NEB: variants seen among roughly 807,000 people sequenced by gnomAD.
NEB encodes nebulin, also known as nemaline myopathy type 2.
Under a neutral mutation model 952.2 loss-of-function variants are expected in NEB, and 512 were observed. The observed-to-expected ratio is 0.54, with a 90% CI of 0.50 to 0.58. NEB has a LOEUF of 0.58. NEB is among the 20% of genes least tolerant of loss of function. NEB has a pLI of 0.00. For synonymous variants in NEB, 2,900 were observed against 3,149.8 expected, an observed-to-expected ratio of 0.92 and a Z score of 2.66; for missense variants, 8,428 against 9,231.1, an observed-to-expected ratio of 0.91 and a Z score of 3.56.
Position 151,490,496 on chromosome 2 carries a change from C to A in NEB, c.25173G>T (p.Arg8391=), listed in dbSNP as rs773182617. 1 of 1,609,198 alleles carries A rather than the reference C, an allele frequency of 6.2e-7. No individual in the cohort carries two copies. Among genetic ancestry groups the A allele is most frequent in the Non-Finnish European group, 8.5e-7 (1 of 1,177,842 alleles). The change falls in exon 180 of 182, where the codon CGG becomes CGT. Residue 8391 remains arginine (R), a synonymous_variant. Coordinates refer to ENST00000397345, the MANE Select transcript of NEB (RefSeq NM_001164508.2). The part of the protein sequence containing the change: ...MINVQAQRRS[R]EQSRSASALS... ...GTGCACTGGCAGATCGTGACTGCTC[C>A]CGGCTCCGGCGCTGAGCTTGGACTG...
At chr2:151,533,840 T>C (rs1422548863) in intron 142 of NEB, among the ~76,000 whole-genome samples, 1 of 152,376 alleles carries the variant, frequency 6.6e-6, no homozygotes, top group East Asian at 1.9e-4. Flanking sequence ...GAAAGATATA[T>C]AGTAAGGAGT....
rs1383258448 is a variant in NEB, at chr2:151,614,524, C to T, written c.11353G>A (p.Asp3785Asn). The T allele has an allele frequency of 6.2e-7, 1 of 1,613,890 alleles. No homozygotes were observed. The highest frequency in any genetic ancestry group is 1.7e-5 in the Admixed American group (1 of 60,004). The change falls in exon 77 of 182, where the codon GAT becomes AAT. Residue 3785 changes from aspartate (D) to asparagine (N), a missense_variant. By Grantham distance (23) the Asp-to-Asn change is conservative. This residue lies in a region of NEB where 1,772 missense variants were observed against 1,960.3 expected (regional missense o/e 0.90). Coordinates refer to ENST00000397345, the MANE Select transcript of NEB (RefSeq NM_001164508.2). ...ATGGACCACATCATCTTCGGGTCAT[C>T]CTTAATGTTCCGGGCCCCAATATGG... The part of the protein sequence containing the change: ...GHHIGARNIK[D>N]DPKMMWSIHV...
At chr2:151,659,928 T>C (rs1009537388) in intron 46 of NEB, among the ~76,000 whole-genome samples, 3 of 152,188 alleles carry the variant, frequency 2.0e-5, no homozygotes, top group African/African-American at 7.2e-5. Context: ...GTGATGAATA[T>C]TTAACTTATG....
rs200744202 is a variant in NEB at position 151,664,901 on chromosome 2, G to A, written c.5239-38C>T. On this transcript the variant is annotated intron_variant, in intron 42 of 181. Coordinates refer to ENST00000397345, the MANE Select transcript of NEB (RefSeq NM_001164508.2). ...AGTCAGGTGCATGATTTTACAGCAGGACAAGTTTGACCCAATGCTAGCAAG... is the reference window on the plus strand; with the variant it reads ...AGTCAGGTGCATGATTTTACAGCAGAACAAGTTTGACCCAATGCTAGCAAG... 12 of 1,452,588 alleles carry A rather than the reference G, an allele frequency of 8.3e-6. No homozygotes were observed. The East Asian group carries it at 2.1e-4, about 25-fold the overall frequency. The allele number at this position is 1,452,588 out of a possible 1,614,324, so 90.0% of individuals were successfully genotyped here.
chr2:151,501,255 A>G, intron 168 of NEB, 136 bp downstream of exon 168: 2 of 557,996 alleles, frequency 3.6e-6, no homozygotes, highest in Non-Finnish European at 6.4e-6. Flanking sequence ...GATCTGGAAA[A>G]CAGAAGGATT....
rs1317634379 is a variant in NEB at position 151,630,722 on chromosome 2, T to C, written c.9716A>G (p.Tyr3239Cys). 1.9e-6 allele frequency: 3 copies of C among 1,605,106 alleles called. No homozygotes were observed. Among genetic ancestry groups the C allele is most frequent in the Non-Finnish European group, 1.7e-6 (2 of 1,174,712 alleles). The change falls in exon 67 of 182, where the codon TAC (tyrosine) becomes TGC (cysteine). Residue 3239 changes from tyrosine (Y) to cysteine (C), a missense_variant. Tyr to Cys is a radical substitution (Grantham distance 194). Coordinates refer to ENST00000397345, the MANE Select transcript of NEB (RefSeq NM_001164508.2). The part of the protein sequence containing the change: ...IMLARQNKIN[Y>C]SETLYKLANE... ...ACAGATTTTTGCTCCTACCTCACTG[T>C]AGTTGATTTTGTTCTGCCTTGCCAA...
At chr2:151,552,848 G>A in intron 127 of NEB, 72 bp from the exon 128 acceptor site, 12 of 1,113,574 alleles carry the variant, frequency 1.1e-5, no homozygotes, top group Non-Finnish European at 1.5e-5. Context: ...TTCACAGAGG[G>A]TTTGGTTGCT....
At chr2:151,729,562 C>A (rs1357334744) in intron 4 of NEB, 53 bp downstream of exon 4, 1 of 1,589,342 alleles carries the variant, frequency 6.3e-7, no homozygotes, top group African/African-American at 1.3e-5. Context: ...AAGGAGAAAG[C>A]TCTTCCTGCT....
chr2:151,644,647 GC>G (rs1167568203), intron 55 of NEB, 72 bp from the exon 56 acceptor site: 17 of 1,287,670 alleles, frequency 1.3e-5, no homozygotes, highest in Non-Finnish European at 1.9e-5. Flanking sequence ...GATCAAATGT[GC>G]TAAATATTTT....
In NEB at chr2:151,642,649, C is replaced by A; in HGVS notation, c.8298G>T (p.Lys2766Asn). Residue 2766 changes from lysine (K) to asparagine (N), a missense_variant, in exon 60 of 182, where the codon AAG becomes AAT. Lys to Asn is a moderately conservative substitution (Grantham distance 94). Transcript: ENST00000397345. ...KLYKLGLEEA[K>N]RKGYDMRVDA... ...CTACCCGCATGTCATAACCTTTCCT[C>A]TTGGCTTCTTCTAGGCCAAGCTTAT... 1 of 1,613,914 alleles carries A rather than the reference C, an allele frequency of 6.2e-7. No homozygotes were observed. Among genetic ancestry groups the A allele is most frequent in the Non-Finnish European group, 8.5e-7 (1 of 1,179,856 alleles).
At chr2:151,696,759 G>A in intron 16 of NEB, 24 bp from the exon 17 acceptor site, 1 of 1,582,218 alleles carries the variant, frequency 6.3e-7, no homozygotes, top group South Asian at 1.1e-5. Flanking sequence ...AAGGCATTTG[G>A]TTTAGTAGTA....
In NEB at chr2:151,629,558, G is replaced by A. The variant is rs1192458685; in HGVS notation, c.9812C>T (p.Ser3271Phe). 6.2e-7 allele frequency: 1 copy of A among 1,613,574 alleles called. No individual in the cohort carries two copies. Among genetic ancestry groups the A allele is most frequent in the Non-Finnish European group, 8.5e-7 (1 of 1,179,632 alleles). ...ACTCACATCACTGATAACGTCCCTG[G>A]AGGCCTTGGCAGCCACGATGGGGAT... The part of the protein sequence containing the change: ...DAIPIVAAKA[S>F]RDVISDYKYK... Residue 3271 changes from serine (S) to phenylalanine (F), a missense_variant, in exon 68 of 182, where the codon TCC (serine) becomes TTC (phenylalanine). Transcript: ENST00000397345.
chr2:151,692,827 G>A (rs982078747), intron 20 of NEB, among the ~76,000 whole-genome samples: 4 of 152,058 alleles, frequency 2.6e-5, no homozygotes, highest in African/African-American at 4.8e-5. Flanking sequence ...AAAATTAGCC[G>A]GGCGTGATGG....
At chr2:151,610,233 TCTCTG>T in intron 80 of NEB, 113 bp from the exon 81 acceptor site, 1 of 878,346 alleles carries the variant, frequency 1.1e-6, no homozygotes, top group Non-Finnish European at 1.7e-6. Context: ...CATTTTGGCA[TCTCTG>T]AACTATTATA....
At position 151,724,938 on chromosome 2, in the gene NEB, A is replaced by G. The variant is rs200590080; in HGVS notation, c.426T>C (p.Asp142=). ...LSEVKYRMDG[D]VAKTICHVDE... The stretch of plus-strand genomic sequence containing the variant: ...CTACGTGACATATAGTCTTAGCAAC[A>G]TCACCATCCATTCGATACTTAACCT... Residue 142 remains aspartate (D), a synonymous_variant, in exon 7 of 182, where the codon GAT becomes GAC. Transcript: ENST00000397345. The G allele has an allele frequency of 7.2e-5, 116 of 1,613,790 alleles. No individual in the cohort carries two copies. The highest frequency in any genetic ancestry group is 9.6e-5 in the Non-Finnish European group (113 of 1,179,802).
rs1410005172 is a variant in NEB at position 151,486,935 on chromosome 2, T to C, written c.25405-1002A>G. ...CCAGAAGAGTTTTGAATACAGTTTTTTTTATGGTGATGAAAGTATTCTAAA... is the reference window on the plus strand; with the variant it reads ...CCAGAAGAGTTTTGAATACAGTTTTCTTTATGGTGATGAAAGTATTCTAAA... On this transcript the variant is annotated intron_variant, in intron 181 of 181. Coordinates refer to ENST00000397345, the MANE Select transcript of NEB (RefSeq NM_001164508.2). Among the ~76,000 whole-genome samples, 10 of 152,348 alleles carry C rather than the reference T, an allele frequency of 6.6e-5. No individual in the cohort carries two copies. The East Asian group carries it at 1.9e-3, about 29-fold the overall frequency.
At chr2:151,625,741 G>C (rs961164092) in intron 70 of NEB, 103 bp from the exon 71 acceptor site, 3 of 652,914 alleles carry the variant, frequency 4.6e-6, no homozygotes, top group Non-Finnish European at 7.4e-6. Flanking sequence ...CTTTCTTGCT[G>C]TCTGTTCCAT....
At chr2:151,518,910 A>G (rs1009665790) in intron 155 of NEB, 55 bp downstream of exon 155, 28 of 1,235,620 alleles carry the variant, frequency 2.3e-5, no homozygotes, top group Non-Finnish European at 3.2e-5. Context: ...CTCAGAAAGA[A>G]TTTAGTTCCA....
rs2098659971 is a variant in NEB at position 151,631,181 on chromosome 2, G to A, written c.9580C>T (p.Gln3194Ter). Residue 3194 changes from glutamine (Q) to a stop codon, truncating the protein, a stop_gained, in exon 66 of 182, where the codon CAG becomes TAG. Coordinates refer to ENST00000397345, the MANE Select transcript of NEB (RefSeq NM_001164508.2). LOFTEE classifies it high-confidence loss of function. ...KFTSVTDSLEQVLAKNNALNM... is the reference protein window; with the variant it reads ...KFTSVTDSLE ...AGAGCATTGTTCTTGGCCAGCACCT[G>A]CTCTAGAGAATCAGTCACACTGGTA... 1.9e-6 allele frequency: 3 copies of A among 1,613,956 alleles called. No individual in the cohort carries two copies. Among genetic ancestry groups the A allele is most frequent in the Non-Finnish European group, 1.7e-6 (2 of 1,179,858 alleles).
Sources: allele counts gnomAD v4.1 joint callset (sites outside exome capture counted in the v4.1 genomes callset), GRCh38; gene constraint gnomAD v4.1.1; regional missense constraint gnomAD v4.1.1; transcripts MANE v1.5; gene names NCBI Gene and HGNC (gene_info 2026-07-23, HGNC 2026-07-21).